Variants in AGBL1 observed in about 807,000 individuals in gnomAD.
AGBL1 encodes cytosolic carboxypeptidase 4.
A neutral mutation model predicts 118.9 loss-of-function variants in AGBL1; 130 were observed. The ratio of observed to expected loss-of-function variants is 1.09; its 90% CI spans 0.95 to 1.26. The LOEUF is 1.26. Among genes scored for constraint, AGBL1 ranks in the 50% most tolerant of loss-of-function variants. The pLI, the probability that AGBL1 is intolerant of heterozygous loss-of-function variation, is 0.00. For synonymous variants in AGBL1, 555 were observed against 478.9 expected (o/e 1.16, Z -2.08); for missense variants, 1,584 against 1,298.1 (o/e 1.22, Z -3.38).
At chr15:86,270,904 C>G (rs2079149297) in intron 14 of AGBL1, among the ~76,000 whole-genome samples, 2 of 152,244 alleles carry the variant, frequency 1.3e-5, no homozygotes, top group South Asian at 4.1e-4. Flanking sequence ...TCTGAGGATT[C>G]CAGGGGAAAC....
intron 22 of AGBL1, among the ~76,000 whole-genome samples, chr15:86,735,503 A>G (rs1219073532): frequency 1.4e-5 from 2 of 142,220 alleles, no homozygotes; most frequent in South Asian, 2.2e-4. Flanking sequence ...TAGAACATCT[A>G]TCTATCTATC....
intron 22 of AGBL1, among the ~76,000 whole-genome samples, chr15:86,888,076 A>G (rs558577018): frequency 6.6e-6 from 1 of 152,224 alleles, no homozygotes; most frequent in East Asian, 1.9e-4. Context: ...ATCTTGCGGG[A>G]GCATCAAGGC....
intron 18 of AGBL1, among the ~76,000 whole-genome samples, chr15:86,496,928 C>T (rs539611141): frequency 6.6e-6 from 1 of 152,090 alleles, no homozygotes; most frequent in East Asian, 1.9e-4. Flanking sequence ...ATTGAATATA[C>T]TTACGGTGTA....
At chr15:87,027,460 A>G (rs2081742301) in intron 24 of AGBL1, among the ~76,000 whole-genome samples, 2 of 37,742 alleles carry the variant, frequency 5.3e-5, no homozygotes, top group South Asian at 8.5e-4. Flanking sequence ...ATATAGATGT[A>G]TTATGCATTA....
At chr15:86,940,099 G>C (rs1489447137) in intron 23 of AGBL1, among the ~76,000 whole-genome samples, 3 of 134,062 alleles carry the variant, frequency 2.2e-5, no homozygotes, top group Non-Finnish European at 3.2e-5. Flanking sequence ...GGTAGAGACG[G>C]GGTTTCTCTG....
intron 22 of AGBL1, among the ~76,000 whole-genome samples, chr15:86,858,669 G>A (rs1433460687): frequency 6.6e-6 from 1 of 152,182 alleles, no homozygotes; most frequent in Non-Finnish European, 1.5e-5. Context: ...GCTCAGGAGG[G>A]AGTTGGGGTA....
intron 22 of AGBL1, among the ~76,000 whole-genome samples, chr15:86,833,445 G>T (rs1028503570): frequency 6.6e-6 from 1 of 152,034 alleles, no homozygotes; most frequent in Non-Finnish European, 1.5e-5. Context: ...GATCTGACGG[G>T]TTTATCAGGG....
intron 18 of AGBL1, among the ~76,000 whole-genome samples, chr15:86,521,987 C>T (rs2083195489): frequency 6.6e-6 from 1 of 152,074 alleles, no homozygotes; most frequent in African/African-American, 2.4e-5. Context: ...GCAGGGGCTG[C>T]CCTTGGTAAT....
intron 20 of AGBL1, among the ~76,000 whole-genome samples, chr15:86,547,083 T>C (rs1002721048): frequency 3.9e-5 from 6 of 152,186 alleles, no homozygotes; most frequent in African/African-American, 1.4e-4. Context: ...AGACTGCCGC[T>C]GATCAATACA....
rs575156959 is a variant in AGBL1, at chr15:86,657,247, G to A, written c.2995-17026G>A. Among the ~76,000 whole-genome samples, 17 of 152,218 alleles carry A rather than the reference G, an allele frequency of 1.1e-4. No homozygotes were observed. The South Asian group carries it at 2.3e-3, about 20-fold the overall frequency. ...GGACAATGCCAACTGTACAAGTGCCGCGGGCTGACTGTGTGCCTCCTGGCC... is the reference window on the plus strand; with the variant it reads ...GGACAATGCCAACTGTACAAGTGCCACGGGCTGACTGTGTGCCTCCTGGCC... On this transcript the variant is annotated intron_variant, in intron 21 of 22. Transcript: ENST00000614907.
At chr15:86,630,572 G>A (rs55907502) in intron 21 of AGBL1, 36,122 of 152,180 alleles carry the variant, frequency 0.24, 4,893 homozygotes, top group East Asian at 0.42. Flanking sequence ...AAGCTCTCAC[G>A]GATGCAGGTG....
intron 21 of AGBL1, among the ~76,000 whole-genome samples, chr15:86,665,823 G>T (rs1177812265): frequency 6.6e-6 from 1 of 150,732 alleles, no homozygotes; most frequent in Non-Finnish European, 1.5e-5. Flanking sequence ...AACTGCTTTT[G>T]AGTTTTTATC....
chr15:86,529,696 A>G (rs1322394547), intron 19 of AGBL1, among the ~76,000 whole-genome samples: 5 of 151,116 alleles, frequency 3.3e-5, no homozygotes, highest in African/African-American at 7.4e-5. Flanking sequence ...AAATGTTAAG[A>G]GCAGCCAGAG....
chr15:86,178,914 G>A (rs772884165), intron 5 of AGBL1, among the ~76,000 whole-genome samples: 1 of 152,182 alleles, frequency 6.6e-6, no homozygotes, highest in Non-Finnish European at 1.5e-5. Flanking sequence ...CCTGACTGAC[G>A]AGGGGCTCCT....
intron 22 of AGBL1, among the ~76,000 whole-genome samples, chr15:86,742,508 G>C (rs1000769567): frequency 6.6e-6 from 1 of 152,004 alleles, no homozygotes; most frequent in Non-Finnish European, 1.5e-5. Context: ...GAAGTATCAC[G>C]AGATCAGATT....
intron 20 of AGBL1, among the ~76,000 whole-genome samples, chr15:86,547,288 T>C (rs192163813): frequency 8.9e-4 from 136 of 152,298 alleles, no homozygotes; most frequent in African/African-American, 3.1e-3. Flanking sequence ...TGATCTCTTA[T>C]ATGTGATACA....
At chr15:86,947,604 T>C (rs1475573144) in intron 23 of AGBL1, among the ~76,000 whole-genome samples, 1 of 152,194 alleles carries the variant, frequency 6.6e-6, no homozygotes, top group Non-Finnish European at 1.5e-5. Flanking sequence ...GTTATCAAAT[T>C]GTAAGTCATA....
chr15:87,006,768 C>T (rs1434296298), intron 24 of AGBL1, among the ~76,000 whole-genome samples: 6 of 152,156 alleles, frequency 3.9e-5, no homozygotes, highest in Admixed American at 1.3e-4. Flanking sequence ...TTCTGCGTCA[C>T]TCACTCTGGG....
chr15:87,014,262 G>A (rs1373560277), intron 24 of AGBL1, among the ~76,000 whole-genome samples: 1 of 124,508 alleles, frequency 8.0e-6, no homozygotes, highest in African/African-American at 2.8e-5. Context: ...AGAAGGCTGT[G>A]TGTATTAGCT....
Sources: gnomAD v4.1 joint callset for allele counts (sites outside exome capture counted in the v4.1 genomes callset) on GRCh38, gnomAD v4.1.1 for gene constraint, MANE v1.5 for transcripts, NCBI Gene and HGNC (gene_info 2026-07-23, HGNC 2026-07-21) for gene names.